The following CHD7 variants were observed in gnomAD, a reference collection of about 807,000 sequenced individuals.
CHD7 encodes the protein chromodomain helicase DNA binding protein 7, also known as ATP-dependent chromatin remodeler CHD7.
CHD7 carries 24 observed loss-of-function variants against 307.3 expected under a neutral mutation model. The ratio of observed to expected loss-of-function variants is 0.08; its 90% confidence interval spans 0.06 to 0.11. The LOEUF (loss-of-function observed/expected upper bound fraction) is 0.11. Ranked by LOEUF, CHD7 falls within the 10% of genes least tolerant of loss-of-function variation. The pLI, the probability that CHD7 is intolerant of heterozygous loss-of-function variation, is 1.00. For missense variants in CHD7, 3,106 were observed against 3,727.1 expected (o/e 0.83, Z 4.34); for synonymous variants, 1,363 against 1,349.9 (o/e 1.01, Z -0.21).
intron 5 of CHD7, 41 bp from the exon 6 acceptor site, chr8:60,801,487 A>G: frequency 7.0e-7 from 1 of 1,426,044 alleles, no homozygotes; most frequent in Non-Finnish European, 9.7e-7. Flanking sequence ...TTAGGATGAG[A>G]TGTTTTCTAT....
At chr8:60,863,856 T>C (rs2129742402) in intron 37 of CHD7, 1 of 147,028 alleles carries the variant, frequency 6.8e-6, no homozygotes. Flanking sequence ...CACCTCAGCC[T>C]CCCAAGCAGC....
At chr8:60,807,135 G>C (rs1228302882) in intron 6 of CHD7, among the ~76,000 whole-genome samples, 1 of 152,226 alleles carries the variant, frequency 6.6e-6, no homozygotes, top group Non-Finnish European at 1.5e-5. Context: ...GAGGGGACTA[G>C]TACCTTTGAA....
At chr8:60,714,361 A>C (rs990822761) in intron 1 of CHD7, among the ~76,000 whole-genome samples, 1 of 130,450 alleles carries the variant, frequency 7.7e-6, no homozygotes, top group Non-Finnish European at 1.6e-5. Flanking sequence ...TCCTGACCGG[A>C]AGGCCGAGCC....
chr8:60,851,359 C>T, intron 28 of CHD7, 40 bp downstream of exon 28: 10 of 1,443,310 alleles, frequency 6.9e-6, no homozygotes, highest in Non-Finnish European at 9.5e-6. Flanking sequence ...AGCAGACGTG[C>T]ACTGAGCAGT....
intron 1 of CHD7, among the ~76,000 whole-genome samples, chr8:60,716,219 C>T (rs1807591856): frequency 6.6e-6 from 1 of 152,206 alleles, no homozygotes; most frequent in African/African-American, 2.4e-5. Context: ...CCCTACTGCT[C>T]TCCCTGCTGT....
Position 60,860,975 on chromosome 8 carries a change from C to G in CHD7, c.7680C>G (p.Pro2560=). The change falls in exon 35 of 38, where the codon CCC becomes CCG. Residue 2560 remains proline (P), a synonymous_variant. Transcript: ENST00000423902. ...CACCAACAAGAAACATTCCTTCTCC[C>G]GGACAGCTGGACCCAGACACACGGA... ...ETPPTRNIPS[P]GQLDPDTRIP... 1 of 1,613,974 alleles carries G rather than the reference C, an allele frequency of 6.2e-7. No individual in the cohort carries two copies. Among genetic ancestry groups the G allele is most frequent in the Non-Finnish European group, 8.5e-7 (1 of 1,179,884 alleles).
intron 1 of CHD7, among the ~76,000 whole-genome samples, chr8:60,739,371 T>G (rs1460858117): frequency 6.6e-6 from 1 of 152,230 alleles, no homozygotes; most frequent in African/African-American, 2.4e-5. Context: ...CTTGAATAAA[T>G]GATGACTGAC....
intron 37 of CHD7, 154 bp downstream of exon 37, chr8:60,862,806 C>T (rs563820087): frequency 1.9e-6 from 1 of 512,966 alleles, no homozygotes; most frequent in Non-Finnish European, 3.3e-6. Flanking sequence ...TTTCATACAT[C>T]ATTAATACAT....
chr8:60,810,252 A>G (rs1812732747), intron 7 of CHD7, among the ~76,000 whole-genome samples: 1 of 151,982 alleles, frequency 6.6e-6, no homozygotes, highest in Non-Finnish European at 1.5e-5. Flanking sequence ...TTCTCCAAGA[A>G]GGCTTGGTTG....
chr8:60,714,216 G>A (rs1055207222), intron 1 of CHD7, among the ~76,000 whole-genome samples: 2 of 151,978 alleles, frequency 1.3e-5, no homozygotes, highest in Middle Eastern at 3.2e-3. Context: ...GACGCAGGGC[G>A]GAGCGGGGTC....
intron 1 of CHD7, among the ~76,000 whole-genome samples, chr8:60,698,915 T>A (rs1284983988): frequency 6.6e-6 from 1 of 152,070 alleles, no homozygotes; most frequent in Non-Finnish European, 1.5e-5. Flanking sequence ...GCCTCCAGAG[T>A]AGCTGGGACT....
At chr8:60,732,113 A>C (rs1236786164) in intron 1 of CHD7, among the ~76,000 whole-genome samples, 2 of 152,146 alleles carry the variant, frequency 1.3e-5, no homozygotes, top group African/African-American at 4.8e-5. Context: ...TTTTCCCTTT[A>C]AGGAAAAGAA....
chr8:60,723,974 C>A (rs1808046105), intron 1 of CHD7, among the ~76,000 whole-genome samples: 1 of 152,236 alleles, frequency 6.6e-6, no homozygotes, highest in South Asian at 2.1e-4. Context: ...TGGGTCCTCA[C>A]CTCCGCTCTG....
chr8:60,702,732 A>G (rs2150510288), intron 1 of CHD7, among the ~76,000 whole-genome samples: 1 of 152,340 alleles, frequency 6.6e-6, no homozygotes, highest in Non-Finnish European at 1.5e-5. Context: ...TTTGCTGTGT[A>G]ACAAACTACA....
At chr8:60,801,434 G>A (rs1414059114) in intron 5 of CHD7, 94 bp from the exon 6 acceptor site, 1 of 868,822 alleles carries the variant, frequency 1.2e-6, no homozygotes, top group African/African-American at 1.7e-5. Context: ...CTTAAAAGGT[G>A]TGGAGGTGGT....
intron 23 of CHD7, among the ~76,000 whole-genome samples, 170 bp from the exon 24 acceptor site, chr8:60,848,345 C>T (rs1805302344): frequency 6.6e-6 from 1 of 152,208 alleles, no homozygotes; most frequent in African/African-American, 2.4e-5. Flanking sequence ...GCAGAAAGCA[C>T]CACACAGAGG....
At chr8:60,862,961 A>G (rs565681355) in intron 37 of CHD7, 2 of 275,294 alleles carry the variant, frequency 7.3e-6, no homozygotes, top group South Asian at 1.9e-4. Flanking sequence ...AATAGGATGT[A>G]TGGTGGTTGA....
chr8:60,823,793 T>A, intron 12 of CHD7, 47 bp from the exon 13 acceptor site: 1 of 1,470,330 alleles, frequency 6.8e-7, no homozygotes, highest in Non-Finnish European at 9.5e-7. Context: ...TTAAAGTTAT[T>A]TATGTAACCA....
At chr8:60,679,711 C>A (rs1246163560) in intron 1 of CHD7, 1 of 147,470 alleles carries the variant, frequency 6.8e-6, no homozygotes, top group African/African-American at 2.4e-5. Context: ...TCGCCGGGAG[C>A]TGCGGCCGCA....
Sources: gnomAD v4.1 joint callset for allele counts (sites outside exome capture counted in the v4.1 genomes callset) on GRCh38, gnomAD v4.1.1 for gene constraint, MANE v1.5 for transcripts, NCBI Gene and HGNC (gene_info 2026-07-23, HGNC 2026-07-21) for gene names.